CFAP46: variants seen among roughly 807,000 people sequenced by gnomAD.
CFAP46 encodes the protein cilia- and flagella-associated protein 46.
In CFAP46, 245 loss-of-function variants were observed where a neutral mutation model predicts 325.7. The observed-to-expected ratio is 0.75, with a 90% CI of 0.68 to 0.84. The LOEUF is 0.84. Ranked by LOEUF, CFAP46 falls within the 40% of genes least tolerant of loss-of-function variation. The probability of loss-of-function intolerance (pLI) is 0.00; values close to 1 mark genes in which losing one functional copy is unlikely to be tolerated. For synonymous variants in CFAP46, 1,523 were observed against 1,495.9 expected, an observed-to-expected ratio of 1.02 and a Z score of -0.42; for missense variants, 3,346 against 3,543.0, an observed-to-expected ratio of 0.94 and a Z score of 1.41.
At chr10:132,849,763 G>A (rs1031911116) in intron 41 of CFAP46, among the ~76,000 whole-genome samples, 7 of 152,168 alleles carry the variant, frequency 4.6e-5, no homozygotes, top group Non-Finnish European at 8.8e-5. Flanking sequence ...GGATGGAGGG[G>A]AGCCAAGGCT....
chr10:132,903,233 T>A (rs1404311292), intron 22 of CFAP46, among the ~76,000 whole-genome samples: 1 of 151,896 alleles, frequency 6.6e-6, no homozygotes, highest in African/African-American at 2.4e-5. Context: ...CAGGATGGCC[T>A]CTGGCATCTT....
At chr10:132,870,715 G>A (rs144625044) in intron 32 of CFAP46, among the ~76,000 whole-genome samples, 252 of 152,360 alleles carry the variant, frequency 1.7e-3, no homozygotes, top group African/African-American at 5.1e-3. Flanking sequence ...TGAAGCGGCA[G>A]AGGTGGGCTC....
At chr10:132,911,559 C>A (rs1426567613) in intron 19 of CFAP46, among the ~76,000 whole-genome samples, 1 of 152,234 alleles carries the variant, frequency 6.6e-6, no homozygotes, top group Non-Finnish European at 1.5e-5. Flanking sequence ...ACTCCCTTGA[C>A]TCATTAGGAA....
chr10:132,864,756 C>G (rs1253566550), intron 35 of CFAP46, among the ~76,000 whole-genome samples: 9 of 136,182 alleles, frequency 6.6e-5, no homozygotes, highest in Non-Finnish European at 1.6e-5. Context: ...ACTCCTCTCC[C>G]CCTGCCTGAG....
chr10:132,930,529 T>G (rs529567914), intron 8 of CFAP46, among the ~76,000 whole-genome samples: 1 of 125,852 alleles, frequency 7.9e-6, no homozygotes, highest in South Asian at 2.8e-4. Flanking sequence ...ACACAGAGCC[T>G]GGGCCTTCCC....
At chr10:132,867,659 G>A (rs899531457) in intron 33 of CFAP46, among the ~76,000 whole-genome samples, 152 bp from the exon 34 acceptor site, 4 of 152,136 alleles carry the variant, frequency 2.6e-5, no homozygotes, top group African/African-American at 9.7e-5. Context: ...AGGATCTAAC[G>A]GCACATCCGA....
intron 38 of CFAP46, among the ~76,000 whole-genome samples, chr10:132,858,033 C>A (rs1408676134): frequency 1.3e-5 from 2 of 152,210 alleles, no homozygotes; most frequent in Non-Finnish European, 2.9e-5. Context: ...GAAGCAATTC[C>A]ACAGCATCAG....
At position 132,832,518 on chromosome 10, in the gene CFAP46, C is replaced by T; in HGVS notation, c.7117+840G>A. ...CGGACTGCTCGTCAATGTTTGAAAA[C>T]CCTCATTTCATGTGCTTTTCTCTGG... On this transcript the variant is annotated intron_variant, in intron 50 of 57. Transcript: ENST00000368586. This position sits in a 1 kb window ranked among gnomAD's most constrained non-coding sequence, Gnocchi z 4.1. The T allele has an allele frequency of 3.1e-6, 1 of 320,694 alleles. No individual in the cohort carries two copies. The highest frequency in any genetic ancestry group is 2.4e-5 in the South Asian group (1 of 42,010). 19.9% of individuals were successfully genotyped at this position (320,694 alleles called of 1,614,324 possible).
chr10:132,890,540 C>G (rs1437313673), intron 25 of CFAP46, among the ~76,000 whole-genome samples: 5 of 152,078 alleles, frequency 3.3e-5, no homozygotes, highest in African/African-American at 9.6e-5. Context: ...AGTGCGGAGT[C>G]CCCCCCAGAG....
chr10:132,821,009 GTGTGTGC>G (rs1377638940), intron 50 of CFAP46, among the ~76,000 whole-genome samples: 3 of 129,230 alleles, frequency 2.3e-5, no homozygotes, highest in Admixed American at 7.9e-5. Context: ...GATGTGTGCT[GTGTGTGC>G]TGTGTGCTGT....
chr10:132,929,364 G>A (rs1285061887), intron 9 of CFAP46: 3 of 630,734 alleles, frequency 4.8e-6, no homozygotes, highest in South Asian at 1.9e-5. Flanking sequence ...GGCACTGCCG[G>A]TGTGATTTAC....
intron 50 of CFAP46, among the ~76,000 whole-genome samples, chr10:132,823,242 G>T (rs1847928947): frequency 7.4e-6 from 1 of 134,404 alleles, no homozygotes; most frequent in Non-Finnish European, 1.6e-5. Context: ...TGTGTGCTGT[G>T]TGAGCGCTGA....
intron 16 of CFAP46, among the ~76,000 whole-genome samples, chr10:132,917,101 C>T (rs1387933197): frequency 6.6e-6 from 1 of 152,258 alleles, no homozygotes; most frequent in East Asian, 1.9e-4. Context: ...CCGTGGCCGC[C>T]GCTGGCTCTG....
chr10:132,822,762 GA>G (rs1847898267), intron 50 of CFAP46, among the ~76,000 whole-genome samples: 2 of 96,962 alleles, frequency 2.1e-5, no homozygotes, highest in Non-Finnish European at 4.7e-5. Context: ...TGTGAGTGCT[GA>G]TGTGTGCTGT....
chr10:132,841,657 C>A (rs543934638), intron 44 of CFAP46, among the ~76,000 whole-genome samples: 4 of 152,222 alleles, frequency 2.6e-5, no homozygotes, highest in African/African-American at 9.6e-5. Context: ...TGCCAAGCCT[C>A]CATCTTGCTC....
chr10:132,881,091 G>T, intron 27 of CFAP46, 59 bp from the exon 28 acceptor site: 1 of 1,434,080 alleles, frequency 7.0e-7, no homozygotes, highest in Non-Finnish European at 9.6e-7. Context: ...CGTTCCTGAC[G>T]CAGTGGAATA....
At chr10:132,928,567 C>G (rs866112771) in intron 9 of CFAP46, among the ~76,000 whole-genome samples, 1 of 152,218 alleles carries the variant, frequency 6.6e-6, no homozygotes, top group Non-Finnish European at 1.5e-5. Context: ...CGGCTCCCCC[C>G]GTGCTGAGCC....
chr10:132,872,943 G>A, intron 31 of CFAP46, 119 bp from the exon 32 acceptor site: 1 of 1,165,642 alleles, frequency 8.6e-7, no homozygotes, highest in Non-Finnish European at 1.2e-6. Context: ...GCACACAGCA[G>A]GTGCTCAGCG....
chr10:132,826,165 C>T (rs1352119732), intron 50 of CFAP46, among the ~76,000 whole-genome samples: 34 of 83,318 alleles, frequency 4.1e-4, no homozygotes, highest in Middle Eastern at 9.4e-3. Flanking sequence ...AGGCAGGAGC[C>T]GGAGCCACGG....
Sources: allele counts gnomAD v4.1 joint callset (sites outside exome capture counted in the v4.1 genomes callset), GRCh38; gene constraint gnomAD v4.1.1; non-coding constraint Gnocchi (gnomAD v3.1); transcripts MANE v1.5; gene names NCBI Gene and HGNC (gene_info 2026-07-23, HGNC 2026-07-21).